CLYBL: variants seen among roughly 807,000 people sequenced by gnomAD.
The protein encoded by CLYBL is citramalyl-CoA lyase, also known as citramalyl-CoA lyase, mitochondrial.
In CLYBL, 31 loss-of-function variants were observed where a neutral mutation model predicts 38.9. The ratio of observed to expected loss-of-function variants is 0.80; its 90% CI spans 0.60 to 1.08. The LOEUF (loss-of-function observed/expected upper bound fraction) is 1.08, where lower values mean the gene tolerates loss of function less well. Among genes scored for constraint, CLYBL ranks in the 50% least tolerant of loss-of-function variants. The probability of loss-of-function intolerance (pLI) is 0.00; values close to 1 mark genes in which losing one functional copy is unlikely to be tolerated. For synonymous variants in CLYBL, 171 were observed against 158.6 expected (o/e 1.08, Z -0.59); for missense variants, 434 against 411.6 (o/e 1.05, Z -0.47).
At chr13:99,623,192 A>G (rs188712961) in intron 1 of CLYBL, among the ~76,000 whole-genome samples, 70 of 152,342 alleles carry the variant, frequency 4.6e-4, no homozygotes, top group African/African-American at 1.7e-3. Flanking sequence ...TGTTTTCCAC[A>G]GTGGCTGCAC....
At chr13:99,772,078 G>T (rs537182052) in intron 1 of CLYBL, among the ~76,000 whole-genome samples, 1 of 151,744 alleles carries the variant, frequency 6.6e-6, no homozygotes, top group East Asian at 1.9e-4. Flanking sequence ...AGATGTATTG[G>T]CAGGGCAAGG....
At position 99,770,357 on chromosome 13, in the gene CLYBL, A is replaced by G. The variant is rs567913877; in HGVS notation, c.63-2467A>G. ...TTTTGAGACGGAGTCTCGCTCTGTC[A>G]CCCAGGGTAGAGTACAGTGGCGCAA... On this transcript the variant is annotated intron_variant, in intron 1 of 8. Coordinates refer to ENST00000339105, the MANE Select transcript of CLYBL (RefSeq NM_206808.5). 5.1e-4 allele frequency among the ~76,000 whole-genome samples: 77 copies of G among 151,688 alleles called. No homozygotes were observed. In the East Asian group the frequency reaches 9.4e-3, roughly 18 times the overall value.
At chr13:99,876,746 G>A (rs1046488572) in intron 7 of CLYBL, among the ~76,000 whole-genome samples, 1 of 152,022 alleles carries the variant, frequency 6.6e-6, no homozygotes, top group African/African-American at 2.4e-5. Flanking sequence ...CAGAATTCAG[G>A]GCTTAGTTTG....
chr13:99,863,135 A>G, intron 4 of CLYBL, 43 bp downstream of exon 4: 2 of 1,059,074 alleles, frequency 1.9e-6, no homozygotes, highest in Non-Finnish European at 2.8e-6. Flanking sequence ...CATTTTATTT[A>G]TCACCTAAAG....
chr13:99,628,080 A>G (rs1397110379), intron 1 of CLYBL, among the ~76,000 whole-genome samples: 1 of 152,224 alleles, frequency 6.6e-6, no homozygotes, highest in African/African-American at 2.4e-5. Context: ...TTACTTGTGT[A>G]GTTAGCACGA....
At chr13:99,889,970 G>GT (rs2052446241) in intron 7 of CLYBL, among the ~76,000 whole-genome samples, 1 of 152,186 alleles carries the variant, frequency 6.6e-6, no homozygotes, top group Admixed American at 6.5e-5. Context: ...CTGCAACCCA[G>GT]TCACACCAGC....
At chr13:99,735,885 A>T (rs947203094) in intron 1 of CLYBL, among the ~76,000 whole-genome samples, 15 of 152,274 alleles carry the variant, frequency 9.9e-5, no homozygotes, top group African/African-American at 3.6e-4. Flanking sequence ...TACACTGTAG[A>T]TACCTAAATC....
chr13:99,690,806 A>G (rs1010942953), intron 1 of CLYBL: 1 of 152,240 alleles, frequency 6.6e-6, no homozygotes, highest in Non-Finnish European at 1.5e-5. Context: ...TTAAAAAATC[A>G]TTAATCACAT....
intron 1 of CLYBL, among the ~76,000 whole-genome samples, chr13:99,725,252 C>T (rs544727569): frequency 1.6e-4 from 24 of 152,190 alleles, no homozygotes; most frequent in African/African-American, 4.1e-4. Context: ...AAGAGAAGAC[C>T]GAACAGTAAG....
At position 99,736,109 on chromosome 13, in the gene CLYBL, AT is replaced by A. The variant is rs528236243; in HGVS notation, c.63-36714del. Among the ~76,000 whole-genome samples the A allele has an allele frequency of 1.1e-3, 154 of 141,792 alleles. No homozygotes were observed. The South Asian group carries it at 0.018, about 17-fold the overall frequency. 93.0% of individuals were successfully genotyped at this position (141,792 alleles called of 152,430 possible). A position where few individuals can be genotyped will look rare whatever the true frequency, so the allele number is the denominator to read the frequency against. On this transcript the variant is annotated intron_variant, in intron 1 of 8. Transcript: ENST00000339105. ...ATCCAGGCTGGAGTGCAGTAGCGCA[AT>A]CTTGGCTCACTGCAACCTCTGCCTC...
chr13:99,862,912 TAAATAC>T, intron 3 of CLYBL, 73 bp from the exon 4 acceptor site: 5 of 752,384 alleles, frequency 6.6e-6, no homozygotes, highest in Non-Finnish European at 8.7e-6. Flanking sequence ...GTCAAAGACT[TAAATAC>T]TACTTCTGGG....
intron 1 of CLYBL, among the ~76,000 whole-genome samples, chr13:99,656,213 G>A (rs1466752143): frequency 2.6e-5 from 4 of 152,142 alleles, no homozygotes; most frequent in African/African-American, 9.7e-5. Flanking sequence ...GCCAGGATGC[G>A]GTGGAGAAAT....
chr13:99,900,405 T>C (rs1448936805), downstream of CLYBL, among the ~76,000 whole-genome samples: 1 of 152,128 alleles, frequency 6.6e-6, no homozygotes, highest in Non-Finnish European at 1.5e-5. Context: ...TGCTGGCCTA[T>C]GGAAGTTTCT....
chr13:99,841,502 C>G (rs1452652837), intron 2 of CLYBL, among the ~76,000 whole-genome samples: 4 of 151,608 alleles, frequency 2.6e-5, no homozygotes, highest in Non-Finnish European at 5.9e-5. Flanking sequence ...CGGGTTCAAG[C>G]AATTCTCCTG....
intron 1 of CLYBL, among the ~76,000 whole-genome samples, chr13:99,687,830 T>C (rs1375723194): frequency 6.6e-6 from 1 of 152,170 alleles, no homozygotes; most frequent in Non-Finnish European, 1.5e-5. Context: ...CTCCTGCGGG[T>C]GCCTGAGTAT....
chr13:99,833,808 G>A (rs7337811), intron 2 of CLYBL, among the ~76,000 whole-genome samples: 3 of 150,864 alleles, frequency 2.0e-5, no homozygotes, highest in Non-Finnish European at 4.4e-5. Context: ...GTTCAAGTGA[G>A]TCTCCTTCCT....
At chr13:99,759,619 A>G (rs1270869654) in intron 1 of CLYBL, among the ~76,000 whole-genome samples, 1 of 152,136 alleles carries the variant, frequency 6.6e-6, no homozygotes, top group Non-Finnish European at 1.5e-5. Context: ...AGGATACCAG[A>G]CACAGAATTT....
intron 2 of CLYBL, among the ~76,000 whole-genome samples, chr13:99,785,844 C>T (rs1041786142): frequency 5.3e-5 from 8 of 152,166 alleles, no homozygotes; most frequent in African/African-American, 1.9e-4. Flanking sequence ...GATCTACCCA[C>T]CTCGGCCTCC....
rs140837474 is a variant in CLYBL at position 99,696,469 on chromosome 13, A to G, written c.63-76355A>G. Among the ~76,000 whole-genome samples the G allele has an allele frequency of 3.0e-3, 452 of 152,184 alleles. 3 individuals are homozygous for G. Among genetic ancestry groups the G allele is most frequent in the African/African-American group, 1.0e-2 (415 of 41,522 alleles). ...GGTCTCAAACTCCTGGGCTCCAGCA[A>G]TCCTTCCAAAGTGCAGGGTTATAGA... On this transcript the variant is annotated intron_variant, in intron 1 of 8. Coordinates refer to ENST00000339105, the MANE Select transcript of CLYBL (RefSeq NM_206808.5).
Sources: gnomAD v4.1 joint callset for allele counts (sites outside exome capture counted in the v4.1 genomes callset) on GRCh38, gnomAD v4.1.1 for gene constraint, MANE v1.5 for transcripts, NCBI Gene and HGNC (gene_info 2026-07-23, HGNC 2026-07-21) for gene names.